Variants in TRAPPC9 observed in about 807,000 individuals in gnomAD.
The protein encoded by TRAPPC9 is trafficking protein particle complex subunit 9.
In TRAPPC9, 83 loss-of-function variants were observed where a neutral mutation model predicts 124.0. The ratio of observed to expected loss-of-function variants is 0.67; its 90% CI spans 0.56 to 0.80. TRAPPC9 has a LOEUF of 0.80. TRAPPC9 is among the 30% of genes least tolerant of loss of function. The pLI, the probability that TRAPPC9 is intolerant of heterozygous loss-of-function variation, is 0.00. For synonymous variants in TRAPPC9, 638 were observed against 617.5 expected (o/e 1.03, Z -0.49); for missense variants, 1,302 against 1,508.3 (o/e 0.86, Z 2.27).
intron 21 of TRAPPC9, among the ~76,000 whole-genome samples, chr8:139,774,931 CCAGGAACAAG>C (rs1217345966): frequency 6.6e-6 from 1 of 152,178 alleles, no homozygotes; most frequent in Non-Finnish European, 1.5e-5. Flanking sequence ...TCTTCAAGTC[CCAGGAACAAG>C]AACCTGAGCA....
At chr8:139,925,404 G>C (rs1220778914) in intron 19 of TRAPPC9, among the ~76,000 whole-genome samples, 1 of 152,194 alleles carries the variant, frequency 6.6e-6, no homozygotes, top group South Asian at 2.1e-4. Flanking sequence ...ATAGAAACCT[G>C]CAGAAATCTC....
intron 19 of TRAPPC9, among the ~76,000 whole-genome samples, chr8:139,910,894 G>C (rs1488574212): frequency 6.6e-6 from 1 of 152,204 alleles, no homozygotes; most frequent in Non-Finnish European, 1.5e-5. Context: ...ATAGGTGGAA[G>C]GGACTTGCCT....
intron 19 of TRAPPC9, among the ~76,000 whole-genome samples, chr8:139,980,749 C>G (rs138943050): frequency 6.6e-6 from 1 of 152,200 alleles, no homozygotes; most frequent in Non-Finnish European, 1.5e-5. Context: ...GGCTCCAGCC[C>G]GTGCGTGTTC....
At chr8:140,284,646 T>A (rs2065432836) in intron 13 of TRAPPC9, among the ~76,000 whole-genome samples, 1 of 152,200 alleles carries the variant, frequency 6.6e-6, no homozygotes, top group Admixed American at 6.5e-5. Context: ...ATAATTATTA[T>A]AAACAACATT....
intron 17 of TRAPPC9, among the ~76,000 whole-genome samples, chr8:140,158,696 T>C (rs1211320299): frequency 6.6e-6 from 1 of 152,202 alleles, no homozygotes; most frequent in African/African-American, 2.4e-5. Flanking sequence ...CCCATTCTAG[T>C]CCTGCAAGCT....
rs1385711125 is a variant in TRAPPC9, at chr8:140,104,864, A to G, written c.2557-80785T>C. Among the ~76,000 whole-genome samples, 1 of 152,212 alleles carries G rather than the reference A, an allele frequency of 6.6e-6. No homozygotes were observed. Among genetic ancestry groups the G allele is most frequent in the Non-Finnish European group, 1.5e-5 (1 of 68,028 alleles). On this transcript the variant is annotated intron_variant, in intron 17 of 22. Coordinates refer to ENST00000438773, the MANE Select transcript of TRAPPC9 (RefSeq NM_001160372.4). This position sits in a 1 kb window ranked among gnomAD's most constrained non-coding sequence, Gnocchi z 4.0. ...CTTCCTCTTTCTAACCCTTTTAGAA[A>G]CAGTGTTAATGGCGACATTTAACGA...
intron 7 of TRAPPC9, among the ~76,000 whole-genome samples, chr8:140,396,779 C>A (rs990414810): frequency 6.6e-6 from 1 of 152,072 alleles, no homozygotes; most frequent in African/African-American, 2.4e-5. Context: ...CTGTCCCTGG[C>A]CCCCACACCC....
chr8:139,768,059 T>C (rs1820701204), intron 21 of TRAPPC9, among the ~76,000 whole-genome samples: 1 of 152,178 alleles, frequency 6.6e-6, no homozygotes, highest in Admixed American at 6.6e-5. Context: ...ATGGGCAGTA[T>C]TGTAACACTG....
At chr8:140,066,239 C>T (rs745849191) in intron 17 of TRAPPC9, among the ~76,000 whole-genome samples, 4 of 139,540 alleles carry the variant, frequency 2.9e-5, no homozygotes, top group Non-Finnish European at 4.9e-5. Flanking sequence ...TGACATGTGA[C>T]TCTTGTGGAT....
At chr8:139,948,249 AC>A (rs1834395748) in intron 19 of TRAPPC9, among the ~76,000 whole-genome samples, 1 of 1,688 alleles carries the variant, frequency 5.9e-4, no homozygotes, top group African/African-American at 1.4e-3. Flanking sequence ...GGTTCATAAA[AC>A]ACACACACAC....
At chr8:140,457,954 G>A (rs2071753678), upstream of TRAPPC9, among the ~76,000 whole-genome samples, 2 of 144,066 alleles carry the variant, frequency 1.4e-5, 1 homozygote, top group Non-Finnish European at 3.1e-5. Context: ...AAAAAGGTGG[G>A]GTGAAAGAAG....
At chr8:139,841,331 T>C (rs1340216137) in intron 21 of TRAPPC9, among the ~76,000 whole-genome samples, 1 of 152,206 alleles carries the variant, frequency 6.6e-6, no homozygotes, top group Non-Finnish European at 1.5e-5. Context: ...GGTACCATAT[T>C]TGCAGGTTCT....
chr8:140,284,020 A>G lies in TRAPPC9; in HGVS notation c.1983T>C (p.Gly661=). ...ACACACCGAAGACCGTGGTATGGTA[A>G]CCTGGAATAGAAAAGGAACTTCTTC... ...PQTTGTITVN[G]YHTTVFGVFS... Residue 661 remains glycine, a splice_region_variant and synonymous_variant, in exon 14 of 23, where the codon GGT becomes GGC. Transcript: ENST00000438773. The G allele has an allele frequency of 6.2e-7, 1 of 1,614,040 alleles. No individual in the cohort carries two copies. The highest frequency in any genetic ancestry group is 8.5e-7 in the Non-Finnish European group (1 of 1,179,928).
chr8:139,935,356 T>C (rs1248976404), intron 19 of TRAPPC9, among the ~76,000 whole-genome samples: 2 of 152,206 alleles, frequency 1.3e-5, no homozygotes, highest in Non-Finnish European at 2.9e-5. Flanking sequence ...CTCTGAGACC[T>C]TTGACTATTT....
At chr8:140,445,831 G>T (rs2071230475) in intron 2 of TRAPPC9, among the ~76,000 whole-genome samples, 1 of 152,234 alleles carries the variant, frequency 6.6e-6, no homozygotes, top group African/African-American at 2.4e-5. Flanking sequence ...TGGGCAGTGA[G>T]GTGGTGGCAG....
chr8:140,044,764 C>T (rs1032478103), intron 17 of TRAPPC9, among the ~76,000 whole-genome samples: 1 of 152,226 alleles, frequency 6.6e-6, no homozygotes, highest in Non-Finnish European at 1.5e-5. Context: ...CTTATAGTCC[C>T]GCAGATGCTC....
At chr8:140,006,939 C>T (rs1234597318) in intron 18 of TRAPPC9, among the ~76,000 whole-genome samples, 2 of 152,096 alleles carry the variant, frequency 1.3e-5, no homozygotes, top group Non-Finnish European at 2.9e-5. Flanking sequence ...TATACTAAAA[C>T]GTTGAATTAT....
chr8:140,357,319 T>A (rs1588209167), intron 9 of TRAPPC9, among the ~76,000 whole-genome samples: 1 of 152,056 alleles, frequency 6.6e-6, no homozygotes, highest in East Asian at 1.9e-4. Context: ...AAGTTCAAGA[T>A]GCAGCAGACA....
chr8:140,222,501 C>T (rs1011598436), intron 16 of TRAPPC9, among the ~76,000 whole-genome samples: 1 of 152,118 alleles, frequency 6.6e-6, no homozygotes, highest in Non-Finnish European at 1.5e-5. Flanking sequence ...TCCCCCGTTG[C>T]CTTCACTCCT....
Sources: allele counts gnomAD v4.1 joint callset (sites outside exome capture counted in the v4.1 genomes callset), GRCh38; gene constraint gnomAD v4.1.1; non-coding constraint Gnocchi (gnomAD v3.1); transcripts MANE v1.5; gene names NCBI Gene and HGNC (gene_info 2026-07-23, HGNC 2026-07-21).